Variants in CTNNA3 observed in about 807,000 individuals in gnomAD.
CTNNA3 encodes the protein catenin alpha 3, also known as catenin alpha-3.
A neutral mutation model predicts 95.7 loss-of-function variants in CTNNA3; 76 were observed. The observed-to-expected ratio is 0.79, with a 90% CI of 0.66 to 0.96. The LOEUF is 0.96. Ranked by LOEUF, CTNNA3 falls within the 40% of genes least tolerant of loss-of-function variation. The pLI is 0.00. For synonymous variants in CTNNA3, 431 were observed against 374.4 expected (o/e 1.15, Z -1.74); for missense variants, 1,191 against 1,089.8 (o/e 1.09, Z -1.31).
chr10:67,704,771 A>G (rs1054660850), intron 1 of CTNNA3, among the ~76,000 whole-genome samples: 21 of 152,202 alleles, frequency 1.4e-4, no homozygotes, highest in Non-Finnish European at 3.1e-4. Flanking sequence ...GCCAAAATTG[A>G]CAAATGGGAT....
Position 66,385,778 on chromosome 10 carries a change from C to A in CTNNA3, c.1532-6426G>T, listed in dbSNP as rs146441588. ...AGGCTTCATCCCTGGGATGCAAGGC[C>A]GGTTCAACATATGCAAATCAGTAAA... On this transcript the variant is annotated intron_variant, in intron 11 of 17. Transcript: ENST00000433211. Among the ~76,000 whole-genome samples the A allele has an allele frequency of 1.8e-3, 274 of 152,110 alleles. 3 individuals carry two copies. In the East Asian group the frequency reaches 0.042, roughly 23 times the overall value.
At chr10:66,513,836 C>G (rs929442165) in intron 11 of CTNNA3, among the ~76,000 whole-genome samples, 2 of 152,146 alleles carry the variant, frequency 1.3e-5, no homozygotes, top group Admixed American at 1.3e-4. Context: ...GCCTCCCTGA[C>G]GTGCAGGACT....
chr10:67,657,684 A>G (rs1251697399), intron 1 of CTNNA3, among the ~76,000 whole-genome samples: 2 of 151,924 alleles, frequency 1.3e-5, no homozygotes, highest in African/African-American at 4.8e-5. Flanking sequence ...TGTCTCTAAT[A>G]AAAATTTAAA....
intron 3 of CTNNA3, among the ~76,000 whole-genome samples, chr10:67,566,064 T>TATATATATATATATATATATATATATAC (rs1841778176): frequency 1.0e-5 from 1 of 95,430 alleles, no homozygotes; most frequent in Non-Finnish European, 2.1e-5. Flanking sequence ...TATATATATA[T>TATATATATATATATATATATATATATAC]ATATATATAC....
At chr10:66,699,330 C>T (rs189089598) in intron 9 of CTNNA3, among the ~76,000 whole-genome samples, 1 of 152,098 alleles carries the variant, frequency 6.6e-6, no homozygotes, top group Non-Finnish European at 1.5e-5. Flanking sequence ...CCATTATCAG[C>T]AACATTGTAC....
intron 14 of CTNNA3, among the ~76,000 whole-genome samples, chr10:66,088,485 T>TGTG (rs2081071437): frequency 7.2e-6 from 1 of 139,568 alleles, no homozygotes; most frequent in Non-Finnish European, 1.5e-5. Flanking sequence ...GGTAGGTGTT[T>TGTG]TGTGTGTGTG....
chr10:67,230,184 T>A (rs1865121777), intron 5 of CTNNA3, among the ~76,000 whole-genome samples: 1 of 152,024 alleles, frequency 6.6e-6, no homozygotes, highest in African/African-American at 2.4e-5. Flanking sequence ...TAAAGCCAAC[T>A]CATCTTTCAC....
chr10:67,044,209 T>C (rs1188705731), intron 7 of CTNNA3, among the ~76,000 whole-genome samples: 1 of 152,090 alleles, frequency 6.6e-6, no homozygotes, highest in Non-Finnish European at 1.5e-5. Context: ...AGAAAAAATA[T>C]GGCTGCAACA....
intron 5 of CTNNA3, among the ~76,000 whole-genome samples, chr10:67,323,788 C>G (rs1841424947): frequency 6.6e-6 from 1 of 152,118 alleles, no homozygotes; most frequent in South Asian, 2.1e-4. Context: ...CTCTAAATCA[C>G]TTTGGGAAGT....
chr10:66,137,488 G>T (rs976432923), intron 13 of CTNNA3, among the ~76,000 whole-genome samples: 1 of 151,998 alleles, frequency 6.6e-6, no homozygotes, highest in East Asian at 1.9e-4. Flanking sequence ...CAATGGCAGG[G>T]GGCAGGGACA....
In CTNNA3 at chr10:66,479,950, T is replaced by TCACACACACACACACACACACA. The variant is rs71466882; in HGVS notation, c.1531+40645_1531+40666dup. On this transcript the variant is annotated intron_variant, in intron 11 of 17. Transcript: ENST00000433211. ...AAGATAATTAAAAATACCAAAGCAT[T>TCACACACACACACACACACACA]CACACACACACACACACACACACAC... Among the ~76,000 whole-genome samples, 35 of 145,456 alleles carry TCACACACACACACACACACACA rather than the reference T, an allele frequency of 2.4e-4. 1 individual carries two copies. The highest frequency in any genetic ancestry group is 8.8e-4 in the African/African-American group (34 of 38,790).
intron 13 of CTNNA3, among the ~76,000 whole-genome samples, chr10:66,265,040 A>AT (rs2091114698): frequency 6.6e-6 from 1 of 151,960 alleles, no homozygotes; most frequent in South Asian, 2.1e-4. Context: ...CCTTCAATTC[A>AT]TTTTGTCCAC....
chr10:66,973,973 G>A lies in CTNNA3; in HGVS notation c.1048-198449C>T, dbSNP rs1008760547. 2.6e-5 allele frequency among the ~76,000 whole-genome samples: 4 copies of A among 152,048 alleles called. No homozygotes were observed. In the South Asian group the frequency reaches 8.3e-4, roughly 32 times the overall value. ...AAATATAATTTTCATAAAACAAAAT[G>A]CATAAAGTATACGGTTTAATAGGTT... is the stretch of plus-strand genomic sequence containing the variant. On this transcript the variant is annotated intron_variant, in intron 7 of 17. Transcript: ENST00000433211.
intron 5 of CTNNA3, among the ~76,000 whole-genome samples, chr10:67,331,322 TGA>T (rs1292148037): frequency 6.6e-6 from 1 of 152,140 alleles, no homozygotes; most frequent in East Asian, 1.9e-4. Context: ...TAAAGAAAAG[TGA>T]ATAAACTGCT....
At chr10:65,930,837 C>T (rs1200595982) in intron 17 of CTNNA3, among the ~76,000 whole-genome samples, 1 of 152,144 alleles carries the variant, frequency 6.6e-6, no homozygotes, top group African/African-American at 2.4e-5. Context: ...TCAAATATGC[C>T]TATTCATCTC....
rs1564746886 is a variant in CTNNA3 at position 66,890,926 on chromosome 10, G to A, written c.1048-115402C>T. Among the ~76,000 whole-genome samples, 3 of 152,154 alleles carry A rather than the reference G, an allele frequency of 2.0e-5. 1 individual carries two copies. The highest frequency in any genetic ancestry group is 4.1e-4 in the South Asian group (2 of 4,822). On this transcript the variant is annotated intron_variant, in intron 7 of 17. Coordinates refer to ENST00000433211, the MANE Select transcript of CTNNA3 (RefSeq NM_013266.4). ...GAGAAGGAGCAGGGGCAGGATAAGA[G>A]CCATTTGTGTGCCCCACCCACCTCA...
intron 10 of CTNNA3, among the ~76,000 whole-genome samples, chr10:66,614,664 A>G (rs1269556663): frequency 6.6e-6 from 1 of 152,056 alleles, no homozygotes; most frequent in Non-Finnish European, 1.5e-5. Context: ...AAAATAAATT[A>G]GGTATCTCTG....
chr10:67,539,821 C>T, intron 3 of CTNNA3, 152 bp from the exon 4 acceptor site: 1 of 651,328 alleles, frequency 1.5e-6, no homozygotes. Context: ...ATAAACAATG[C>T]AGTTTCAAAT....
At chr10:66,253,931 G>A (rs1184358241) in intron 13 of CTNNA3, among the ~76,000 whole-genome samples, 1 of 152,178 alleles carries the variant, frequency 6.6e-6, no homozygotes. Context: ...TTTCAGCATA[G>A]ATGACAAATT....
Sources: allele counts gnomAD v4.1 joint callset (sites outside exome capture counted in the v4.1 genomes callset), GRCh38; gene constraint gnomAD v4.1.1; transcripts MANE v1.5; gene names NCBI Gene and HGNC (gene_info 2026-07-23, HGNC 2026-07-21).